TRMT61A: variants seen among roughly 807,000 people sequenced by gnomAD.
TRMT61A encodes the protein tRNA (adenine(58)-N(1))-methyltransferase catalytic subunit TRMT61A.
A neutral mutation model predicts 21.3 loss-of-function variants in TRMT61A; 15 were observed. That is an observed-to-expected ratio of 0.70 (90% CI 0.47 to 1.08). TRMT61A has a LOEUF of 1.08. Among genes scored for constraint, TRMT61A ranks in the 50% least tolerant of loss-of-function variants. The pLI, the probability that TRMT61A is intolerant of heterozygous loss-of-function variation, is 0.00. For synonymous variants in TRMT61A, 183 were observed against 185.5 expected (o/e 0.99, Z 0.11); for missense variants, 352 against 426.7 (o/e 0.83, Z 1.54).
chr14:103,530,902 G>A (rs549152008), intron 2 of TRMT61A, among the ~76,000 whole-genome samples: 31 of 152,336 alleles, frequency 2.0e-4, no homozygotes, highest in African/African-American at 7.0e-4. Context: ...TGTTGGTGGC[G>A]TGTTCCTCCC....
At chr14:103,534,042 A>C (rs1462296129) in intron 3 of TRMT61A, among the ~76,000 whole-genome samples, 2 of 152,232 alleles carry the variant, frequency 1.3e-5, no homozygotes, top group African/African-American at 4.8e-5. Flanking sequence ...GGCCAAGTGA[A>C]GCCCGTGGCT....
rs915160037 is a variant in TRMT61A, at chr14:103,531,526, A to C, written c.332-1056A>C. Among the ~76,000 whole-genome samples, 4 of 151,986 alleles carry C rather than the reference A, an allele frequency of 2.6e-5. No individual in the cohort carries two copies. The highest frequency in any genetic ancestry group is 2.6e-4 in the Admixed American group (4 of 15,280). Reference sequence around the variant, plus strand: ...GGAGGGGAAGCGAGCTCCACCCCGGAGGCTAACAAGTCTGACTTGCCCCTT... The same window carrying C: ...GGAGGGGAAGCGAGCTCCACCCCGGCGGCTAACAAGTCTGACTTGCCCCTT... On this transcript the variant is annotated intron_variant, in intron 2 of 3. Coordinates refer to ENST00000389749, the MANE Select transcript of TRMT61A (RefSeq NM_152307.3). The surrounding 1 kb of genome is among the most constrained non-coding windows in gnomAD (Gnocchi z 5.1).
chr14:103,532,732 C>T lies in TRMT61A; in HGVS notation c.482C>T (p.Thr161Ile), dbSNP rs775159038. 1.9e-6 allele frequency: 3 copies of T among 1,608,972 alleles called. No individual in the cohort carries two copies. The highest frequency in any genetic ancestry group is 2.5e-6 in the Non-Finnish European group (3 of 1,178,060). The change falls in exon 3 of 4, where the codon ACC becomes ATC. Residue 161 changes from threonine to isoleucine, a missense_variant. Thr to Ile is a moderately conservative substitution (Grantham distance 89, BLOSUM62 -1). Coordinates refer to ENST00000389749, the MANE Select transcript of TRMT61A (RefSeq NM_152307.3). ...GTGGGCCGCTGGGTGACTGTGCGCA[C>T]CCAGGACGTGTGCCGCAGTGGCTTT... is the stretch of plus-strand genomic sequence containing the variant. ...HRVGRWVTVR[T>I]QDVCRSGFGV...
Position 103,536,684 on chromosome 14 carries a change from G to C in TRMT61A, c.*1863G>C, listed in dbSNP as rs1368401964. The C allele has an allele frequency of 6.6e-6, 1 of 152,452 alleles. No homozygotes were observed. The highest frequency in any genetic ancestry group is 6.5e-5 in the Admixed American group (1 of 15,294). 9.4% of individuals were successfully genotyped at this position (152,452 alleles called of 1,614,324 possible). A position where few individuals can be genotyped will look rare whatever the true frequency, so the allele number is the denominator to read the frequency against. ...CACAGCAAAGGCCTGCATGGTGTCT[G>C]ATGGGTGGACACCGGGAGGTGTTTC... On this transcript the variant is annotated 3_prime_UTR_variant, in exon 4 of 4. Transcript: ENST00000389749.
Position 103,532,586 on chromosome 14 carries a change from C to T in TRMT61A, c.336C>T (p.Thr112=), listed in dbSNP as rs201646303. The part of the protein sequence containing the change: ...RPGSVVCESG[T]GSGSVSHAII... The stretch of plus-strand genomic sequence containing the variant: ...CATCCCTTCTTGTCCTGCCAGGCAC[C>T]GGCAGTGGCTCTGTGTCCCACGCCA... Residue 112 remains threonine (T), a synonymous_variant, in exon 3 of 4, where the codon ACC becomes ACT. Transcript: ENST00000389749. 92 of 1,613,178 alleles carry T rather than the reference C, an allele frequency of 5.7e-5. No individual in the cohort carries two copies. Among genetic ancestry groups the T allele is most frequent in the Admixed American group, 1.0e-4 (6 of 60,002 alleles).
At chr14:103,533,235 G>T (rs77365779) in intron 3 of TRMT61A, among the ~76,000 whole-genome samples, 2 of 152,246 alleles carry the variant, frequency 1.3e-5, no homozygotes, top group Non-Finnish European at 2.9e-5. Context: ...TGCTGGGTGC[G>T]GAGGCGGGGC....
chr14:103,534,059 G>C (rs1056015948), intron 3 of TRMT61A, among the ~76,000 whole-genome samples: 14 of 152,350 alleles, frequency 9.2e-5, no homozygotes, highest in Middle Eastern at 3.4e-3. Context: ...GGCTGCCCTG[G>C]TGGGAGGCGG....
At chr14:103,530,676 G>A (rs957732543) in intron 2 of TRMT61A, among the ~76,000 whole-genome samples, 3 of 152,220 alleles carry the variant, frequency 2.0e-5, no homozygotes, top group Non-Finnish European at 4.4e-5. Context: ...GCCCCTTCTG[G>A]AAAGAGGCCA....
Position 103,535,579 on chromosome 14 carries a change from T to G in TRMT61A, c.*758T>G, listed in dbSNP as rs1187169282. 2 of 326,296 alleles carry G rather than the reference T, an allele frequency of 6.1e-6. No individual in the cohort carries two copies. The highest frequency in any genetic ancestry group is 6.1e-6 in the Non-Finnish European group (1 of 164,178). The allele number at this position is 326,296 out of a possible 1,614,324, so 20.2% of individuals were successfully genotyped here. On this transcript the variant is annotated 3_prime_UTR_variant, in exon 4 of 4. Coordinates refer to ENST00000389749, the MANE Select transcript of TRMT61A (RefSeq NM_152307.3). ...TGTCTGCCGCAGGCAACCAGGCAAG[T>G]GTGTCGGGGCTGGGGTGTGAATGCC... is the stretch of plus-strand genomic sequence containing the variant.
At position 103,534,581 on chromosome 14, in the gene TRMT61A, C is replaced by T. The variant is rs376237424; in HGVS notation, c.630C>T (p.Ile210=). The change falls in exon 4 of 4, where the codon ATC becomes ATT. Residue 210 remains isoleucine, a synonymous_variant. Transcript: ENST00000389749. ...GGRFCSFSPC[I]EQVQRTCQAL... is the part of the protein sequence containing the mutation. ...GCTTCTGCTCCTTCTCACCGTGCAT[C>T]GAGCAGGTGCAACGCACATGCCAGG... 5.4e-5 allele frequency: 86 copies of T among 1,582,556 alleles called. No homozygotes were observed. The highest frequency in any genetic ancestry group is 7.0e-5 in the Non-Finnish European group (81 of 1,160,188).
intron 3 of TRMT61A, 51 bp downstream of exon 3, chr14:103,532,899 G>C (rs2075959767): frequency 1.3e-6 from 2 of 1,501,048 alleles, no homozygotes; most frequent in Non-Finnish European, 8.9e-7. Context: ...GTGGGGCAAG[G>C]GTGCAGGACT....
intron 3 of TRMT61A, among the ~76,000 whole-genome samples, chr14:103,533,987 T>C (rs1040181917): frequency 2.0e-5 from 3 of 152,196 alleles, no homozygotes; most frequent in African/African-American, 7.2e-5. Flanking sequence ...AGGTCCTCCC[T>C]GCCAGGACAG....
At chr14:103,533,206 T>C (rs1272435217) in intron 3 of TRMT61A, among the ~76,000 whole-genome samples, 2 of 152,214 alleles carry the variant, frequency 1.3e-5, no homozygotes, top group Admixed American at 1.3e-4. Context: ...CCCAGGGAGC[T>C]GGCCCCTTTT....
At position 103,530,195 on chromosome 14, in the gene TRMT61A, C is replaced by T. The variant is rs1360026528; in HGVS notation, c.217C>T (p.Pro73Ser). The change falls in exon 2 of 4, where the codon CCC becomes TCC. Residue 73 changes from proline (P) to serine (S), a missense_variant. Physicochemically the swap from Pro to Ser is moderately conservative, Grantham distance 74 (BLOSUM62 -1). Coordinates refer to ENST00000389749, the MANE Select transcript of TRMT61A (RefSeq NM_152307.3). ...GGWVYVLHPT[P>S]ELWTLNLPHR... ...CTGGGTGTATGTGCTGCACCCCACG[C>T]CCGAGCTCTGGACGCTGAACCTGCC... is the stretch of plus-strand genomic sequence containing the variant. 1 of 1,612,454 alleles carries T rather than the reference C, an allele frequency of 6.2e-7. No homozygotes were observed. The highest frequency in any genetic ancestry group is 8.5e-7 in the Non-Finnish European group (1 of 1,179,636).
Position 103,534,579 on chromosome 14 carries a change from A to G in TRMT61A, c.628A>G (p.Ile210Val). The G allele has an allele frequency of 6.3e-7, 1 of 1,581,932 alleles. No individual in the cohort carries two copies. The highest frequency in any genetic ancestry group is 8.6e-7 in the Non-Finnish European group (1 of 1,159,676). The change falls in exon 4 of 4, where the codon ATC becomes GTC. Residue 210 changes from isoleucine to valine, a missense_variant. By Grantham distance (29) the Ile-to-Val change is conservative. Transcript: ENST00000389749. ...GCGCTTCTGCTCCTTCTCACCGTGC[A>G]TCGAGCAGGTGCAACGCACATGCCA... ...GGRFCSFSPC[I>V]EQVQRTCQAL...
At chr14:103,532,517 C>T in intron 2 of TRMT61A, 65 bp from the exon 3 acceptor site, 1 of 1,603,376 alleles carries the variant, frequency 6.2e-7, no homozygotes. Flanking sequence ...GGGTTGTTTC[C>T]TGGGAGGCTG....
At chr14:103,532,478 G>A (rs2075957875) in intron 2 of TRMT61A, 104 bp from the exon 3 acceptor site, 5 of 1,411,902 alleles carry the variant, frequency 3.5e-6, no homozygotes, top group Non-Finnish European at 4.9e-6. Context: ...GTCCTCCCAA[G>A]CCCTGTGTGG....
rs1220081925 is a variant in TRMT61A at position 103,535,148 on chromosome 14, G to A, written c.*327G>A. 1.7e-6 allele frequency: 1 copy of A among 589,356 alleles called. No homozygotes were observed. Among genetic ancestry groups the A allele is most frequent in the South Asian group, 1.5e-5 (1 of 65,756 alleles). The allele number at this position is 589,356 out of a possible 1,614,324, so 36.5% of individuals were successfully genotyped here. A position where few individuals can be genotyped will look rare whatever the true frequency, so the allele number is the denominator to read the frequency against. ...GGGGAGTCTGACCCCCTCCCAGGTGGGCCTAAGCAGGAAGGGGGTGGAGGA... is the reference window on the plus strand; with the variant it reads ...GGGGAGTCTGACCCCCTCCCAGGTGAGCCTAAGCAGGAAGGGGGTGGAGGA... On this transcript the variant is annotated 3_prime_UTR_variant, in exon 4 of 4. Transcript: ENST00000389749.
Position 103,534,565 on chromosome 14 carries a change from CCTT to C in TRMT61A, c.617_619del (p.Phe206del), listed in dbSNP as rs1322089192. The C allele has an allele frequency of 1.9e-6, 3 of 1,567,276 alleles. No individual in the cohort carries two copies. The highest frequency in any genetic ancestry group is 2.6e-6 in the Non-Finnish European group (3 of 1,150,646). On this transcript the variant is annotated inframe_deletion, in exon 4 of 4. Transcript: ENST00000389749. ...TTTCCCACAGGCGGGCGCTTCTGCT[CCTT>C]CTCACCGTGCATCGAGCAGGTGCAA...
Sources: allele counts gnomAD v4.1 joint callset (sites outside exome capture counted in the v4.1 genomes callset), GRCh38; gene constraint gnomAD v4.1.1; non-coding constraint Gnocchi (gnomAD v3.1); transcripts MANE v1.5; gene names NCBI Gene and HGNC (gene_info 2026-07-23, HGNC 2026-07-21).